WDR70: variants seen among roughly 807,000 people sequenced by gnomAD.
WDR70 encodes WD repeat-containing protein 70.
Under a neutral mutation model 88.6 loss-of-function variants are expected in WDR70, and 53 were observed. That is an observed-to-expected ratio of 0.60 (90% CI 0.48 to 0.75). The LOEUF is 0.75. WDR70 is among the 30% of genes least tolerant of loss of function. The pLI, the probability that WDR70 is intolerant of heterozygous loss-of-function variation, is 0.00. For synonymous variants in WDR70, 280 were observed against 270.0 expected, an observed-to-expected ratio of 1.04 and a Z score of -0.36; for missense variants, 610 against 823.2, an observed-to-expected ratio of 0.74 and a Z score of 3.17.
chr5:37,734,910 T>C (rs1748257460), intron 17 of WDR70, among the ~76,000 whole-genome samples: 1 of 152,184 alleles, frequency 6.6e-6, no homozygotes, highest in African/African-American at 2.4e-5. Context: ...ACGACCGTTA[T>C]ATGATTGTAG....
At chr5:37,717,882 A>C (rs974824912) in intron 13 of WDR70, among the ~76,000 whole-genome samples, 1 of 152,180 alleles carries the variant, frequency 6.6e-6, no homozygotes, top group Non-Finnish European at 1.5e-5. Context: ...AGGCCCACCC[A>C]CCTTTGGCTT....
At chr5:37,577,570 G>A (rs1295820579) in intron 9 of WDR70, among the ~76,000 whole-genome samples, 1 of 152,164 alleles carries the variant, frequency 6.6e-6, no homozygotes, top group African/African-American at 2.4e-5. Flanking sequence ...GGGAGATAAT[G>A]TTTTAGTTGA....
At chr5:37,529,664 A>C (rs529795706) in intron 9 of WDR70, among the ~76,000 whole-genome samples, 6 of 152,080 alleles carry the variant, frequency 3.9e-5, no homozygotes, top group Non-Finnish European at 8.8e-5. Flanking sequence ...TGATTTGTGT[A>C]CATTAATTTT....
chr5:37,631,895 C>T (rs1213628453), intron 10 of WDR70, among the ~76,000 whole-genome samples: 1 of 152,148 alleles, frequency 6.6e-6, no homozygotes, highest in Non-Finnish European at 1.5e-5. Context: ...CCACAGAGTA[C>T]CAGCAGAGCC....
intron 2 of WDR70, 68 bp downstream of exon 2, chr5:37,379,622 T>G (rs1333903149): frequency 6.4e-7 from 1 of 1,551,320 alleles, no homozygotes; most frequent in African/African-American, 1.4e-5. Flanking sequence ...AGAGTGGGAG[T>G]GGAGATCGAG....
chr5:37,475,480 C>A (rs568993960), intron 7 of WDR70, among the ~76,000 whole-genome samples: 3 of 151,934 alleles, frequency 2.0e-5, no homozygotes, highest in Admixed American at 6.6e-5. Context: ...TCAGGTGATC[C>A]AGCTGCCTTG....
intron 10 of WDR70, among the ~76,000 whole-genome samples, chr5:37,649,853 TCAGCCTCCCGAGTAGCTGGGACTA>T (rs1745347794): frequency 7.3e-6 from 1 of 136,948 alleles, no homozygotes; most frequent in Non-Finnish European, 1.5e-5. Context: ...TTCTCCTGCC[TCAGCCTCCCGAGTAGCTGGGACTA>T]CAGGCGCCCG....
At chr5:37,534,597 A>G (rs1357095655) in intron 9 of WDR70, among the ~76,000 whole-genome samples, 1 of 149,576 alleles carries the variant, frequency 6.7e-6, no homozygotes. Context: ...CCCTGGGTTC[A>G]AGCGATTATC....
chr5:37,431,008 C>T (rs913866447), intron 5 of WDR70, among the ~76,000 whole-genome samples: 3 of 152,056 alleles, frequency 2.0e-5, no homozygotes, highest in African/African-American at 4.8e-5. Context: ...CTTGTGCCAC[C>T]ATGTCTGGCT....
intron 5 of WDR70, among the ~76,000 whole-genome samples, chr5:37,431,863 T>TACACA (rs1750313596): frequency 6.6e-6 from 1 of 152,246 alleles, no homozygotes; most frequent in South Asian, 2.1e-4. Context: ...AAGGTTCATC[T>TACACA]GTGTTGTAGC....
intron 9 of WDR70, among the ~76,000 whole-genome samples, chr5:37,566,295 C>A (rs560896531): frequency 0.015 from 1,472 of 101,010 alleles, 74 homozygotes; most frequent in Admixed American, 0.13. Flanking sequence ...GTTTTATTTT[C>A]CTCCTGTGAT....
chr5:37,587,725 T>C (rs755125630), intron 9 of WDR70, among the ~76,000 whole-genome samples: 1 of 151,940 alleles, frequency 6.6e-6, no homozygotes, highest in Non-Finnish European at 1.5e-5. Context: ...CTTATACTTA[T>C]AAAACATTTT....
At chr5:37,636,257 G>A (rs964996105) in intron 10 of WDR70, among the ~76,000 whole-genome samples, 1 of 152,094 alleles carries the variant, frequency 6.6e-6, no homozygotes, top group Non-Finnish European at 1.5e-5. Context: ...CATAGAATAA[G>A]TTAAATATCA....
intron 4 of WDR70, among the ~76,000 whole-genome samples, chr5:37,394,039 G>A (rs1335830594): frequency 6.6e-6 from 1 of 152,130 alleles, no homozygotes; most frequent in Admixed American, 6.6e-5. Context: ...GCGGGAGGTG[G>A]CTCATGCCTG....
At chr5:37,744,142 T>C (rs1211344232) in intron 17 of WDR70, among the ~76,000 whole-genome samples, 7 of 152,116 alleles carry the variant, frequency 4.6e-5, no homozygotes, top group Admixed American at 3.3e-4. Flanking sequence ...GAATGGAGCC[T>C]GAAGTGAACC....
Position 37,706,465 on chromosome 5 carries a change from G to A in WDR70, c.1416+3378G>A, listed in dbSNP as rs187045082. ...TGGGATGTATTTGAATCATGGGGGC[G>A]GGTCTTTTCCGTGCTGTTCTTGTGA... On this transcript the variant is annotated intron_variant, in intron 13 of 17. Transcript: ENST00000265107. 2.4e-3 allele frequency among the ~76,000 whole-genome samples: 372 copies of A among 152,100 alleles called. 3 individuals carry two copies. Among genetic ancestry groups the A allele is most frequent in the Middle Eastern group, 0.014 (4 of 294 alleles).
chr5:37,379,625 A>C (rs1748359345), intron 2 of WDR70, 71 bp downstream of exon 2: 1 of 1,534,704 alleles, frequency 6.5e-7, no homozygotes, highest in South Asian at 1.1e-5. Flanking sequence ...GTGGGAGTGG[A>C]GATCGAGCTG....
At chr5:37,499,587 T>TTTTCTCTCTCTCTCTCTCTTTC (rs1554144047) in intron 8 of WDR70, among the ~76,000 whole-genome samples, 6 of 41,868 alleles carry the variant, frequency 1.4e-4, no homozygotes, top group African/African-American at 3.5e-4. Flanking sequence ...TTTGGAAATA[T>TTTTCTCTCTCTCTCTCTCTTTC]TCTCTCTCTC....
At chr5:37,630,440 GCA>G (rs1246780913) in intron 10 of WDR70, among the ~76,000 whole-genome samples, 1 of 152,162 alleles carries the variant, frequency 6.6e-6, no homozygotes, top group Non-Finnish European at 1.5e-5. Flanking sequence ...AGGGAAGAGG[GCA>G]CTGTGTTTCT....
Sources: gnomAD v4.1 joint callset for allele counts (sites outside exome capture counted in the v4.1 genomes callset) on GRCh38, gnomAD v4.1.1 for gene constraint, MANE v1.5 for transcripts, NCBI Gene and HGNC (gene_info 2026-07-23, HGNC 2026-07-21) for gene names.